ADGRV1: variants seen among roughly 807,000 people sequenced by gnomAD.
ADGRV1 encodes G-protein coupled receptor 98.
Under a neutral mutation model 596.2 loss-of-function variants are expected in ADGRV1, and 359 were observed. The ratio of observed to expected loss-of-function variants is 0.60; its 90% CI spans 0.55 to 0.66. The LOEUF (loss-of-function observed/expected upper bound fraction) is 0.66. Ranked by LOEUF, ADGRV1 falls within the 30% of genes least tolerant of loss-of-function variation. The pLI, the probability that ADGRV1 is intolerant of heterozygous loss-of-function variation, is 0.00. For synonymous variants in ADGRV1, 2,681 were observed against 2,679.2 expected (o/e 1.00, Z -0.02); for missense variants, 7,274 against 7,575.6 (o/e 0.96, Z 1.48).
chr5:91,069,044 G>A (rs1475647234), intron 85 of ADGRV1, among the ~76,000 whole-genome samples: 1 of 152,140 alleles, frequency 6.6e-6, no homozygotes, highest in Non-Finnish European at 1.5e-5. Flanking sequence ...GACAGGGAAA[G>A]GACTCTCTAT....
chr5:90,701,905 TTTG>T (rs1260974411), intron 34 of ADGRV1, among the ~76,000 whole-genome samples: 2 of 151,834 alleles, frequency 1.3e-5, no homozygotes, highest in African/African-American at 4.8e-5. Flanking sequence ...TGACCTGCAT[TTTG>T]TTTTCTTGCC....
chr5:90,635,401 A>G (rs978991548), intron 10 of ADGRV1, 111 bp downstream of exon 10: 2 of 934,746 alleles, frequency 2.1e-6, no homozygotes, highest in Middle Eastern at 2.3e-4. Context: ...AAGCTTCAGC[A>G]TGTACAAGAA....
chr5:90,627,255 A>C lies in ADGRV1; in HGVS notation c.717A>C (p.Val239=). The part of the protein sequence containing the change: ...DEIFLIQLKS[V]EGGAEINTSR... ...TATTTTTAATTCAACTGAAAAGTGT[A>C]GAAGGAGGAGCTGAGATTAACACCT... is the stretch of plus-strand genomic sequence containing the variant. The change falls in exon 7 of 90, where the codon GTA becomes GTC. Residue 239 remains valine (V), a synonymous_variant. Transcript: ENST00000405460. 6 of 1,586,396 alleles carry C rather than the reference A, an allele frequency of 3.8e-6. No homozygotes were observed. Among genetic ancestry groups the C allele is most frequent in the Non-Finnish European group, 5.1e-6 (6 of 1,165,344 alleles).
At chr5:90,792,606 TA>T (rs34145704) in intron 70 of ADGRV1, 1 of 152,018 alleles carries the variant, frequency 6.6e-6, no homozygotes, top group Non-Finnish European at 1.5e-5. Context: ...CTAATTGATA[TA>T]AAAAACAATA....
chr5:90,754,533 A>C (rs186870162), intron 54 of ADGRV1, among the ~76,000 whole-genome samples: 137 of 152,308 alleles, frequency 9.0e-4, no homozygotes, highest in Non-Finnish European at 1.6e-3. Context: ...GAGCCTCCTG[A>C]TAGGCACGTC....
chr5:91,092,802 A>G (rs1473063272), intron 86 of ADGRV1: 1 of 146,830 alleles, frequency 6.8e-6, no homozygotes, highest in Non-Finnish European at 1.5e-5. Context: ...CCATATGAGA[A>G]CAATACAAGC....
intron 87 of ADGRV1, among the ~76,000 whole-genome samples, chr5:91,137,123 C>T (rs886316344): frequency 2.6e-5 from 4 of 151,848 alleles, no homozygotes; most frequent in African/African-American, 9.7e-5. Context: ...TCTTGTTTTC[C>T]CTTTTCTTTT....
chr5:91,136,611 G>T (rs573386283), intron 87 of ADGRV1, among the ~76,000 whole-genome samples: 9 of 152,092 alleles, frequency 5.9e-5, no homozygotes, highest in Admixed American at 2.0e-4. Context: ...TTATAAATTT[G>T]ATCTACAGCT....
intron 70 of ADGRV1, among the ~76,000 whole-genome samples, chr5:90,800,976 G>A (rs982642593): frequency 3.9e-5 from 6 of 152,054 alleles, no homozygotes; most frequent in African/African-American, 1.2e-4. Context: ...TATAGGTGAC[G>A]GGTTGATGGG....
Position 90,689,943 on chromosome 5 carries a change from T to C in ADGRV1, c.6573T>C (p.Asn2191=). ...TSKAVPIYVI[N]DIYPELEESF... ...AAGCCGTGCCAATATATGTCATTAA[T>C]GATATCTATCCTGAACTGGAAGAAT... Residue 2191 remains asparagine, a synonymous_variant, in exon 30 of 90, where the codon AAT becomes AAC. Transcript: ENST00000405460. The C allele has an allele frequency of 6.2e-7, 1 of 1,613,016 alleles. No homozygotes were observed. The highest frequency in any genetic ancestry group is 8.5e-7 in the Non-Finnish European group (1 of 1,179,406).
intron 59 of ADGRV1, among the ~76,000 whole-genome samples, chr5:90,773,327 G>A (rs748791713): frequency 6.6e-6 from 1 of 151,874 alleles, no homozygotes; most frequent in Non-Finnish European, 1.5e-5. Flanking sequence ...TAATAAATGG[G>A]TCAAAAAGAA....
chr5:91,127,694 T>C (rs1413166992), intron 87 of ADGRV1, among the ~76,000 whole-genome samples: 1 of 152,194 alleles, frequency 6.6e-6, no homozygotes, highest in African/African-American at 2.4e-5. Context: ...TAGTGACAGC[T>C]TAAATCCAGG....
intron 85 of ADGRV1, among the ~76,000 whole-genome samples, chr5:91,022,894 T>C (rs1783756066): frequency 6.6e-6 from 1 of 152,138 alleles, no homozygotes; most frequent in Non-Finnish European, 1.5e-5. Flanking sequence ...TCTGTGTTGC[T>C]ATTTTAAAAT....
rs577884497 is a variant in ADGRV1 at position 90,985,377 on chromosome 5, G to C, written c.18007G>C (p.Asp6003His). 1 of 1,613,316 alleles carries C rather than the reference G, an allele frequency of 6.2e-7. No homozygotes were observed. Among genetic ancestry groups the C allele is most frequent in the East Asian group, 2.2e-5 (1 of 44,850 alleles). Reference sequence around the variant, plus strand: ...TTTCTGGTACGTGCTGGTGATGAATGATGAGCACACAGAGAGGCGATATCT... The same window carrying C: ...TTTCTGGTACGTGCTGGTGATGAATCATGAGCACACAGAGAGGCGATATCT... ...VNFWYVLVMN[D>H]EHTERRYLLF... is the part of the protein sequence containing the mutation. Residue 6003 changes from aspartate to histidine, a missense_variant, in exon 85 of 90, where the codon GAT becomes CAT. Asp to His is a moderately conservative substitution (Grantham distance 81). Transcript: ENST00000405460.
intron 85 of ADGRV1, among the ~76,000 whole-genome samples, chr5:91,021,902 T>C (rs1382590440): frequency 6.6e-6 from 1 of 152,076 alleles, no homozygotes; most frequent in East Asian, 1.9e-4. Flanking sequence ...AGCAAAGATA[T>C]ACATCCGAGA....
At chr5:90,719,868 A>G (rs1750684057) in intron 43 of ADGRV1, among the ~76,000 whole-genome samples, 180 bp from the exon 44 acceptor site, 1 of 152,252 alleles carries the variant, frequency 6.6e-6, no homozygotes, top group Non-Finnish European at 1.5e-5. Flanking sequence ...TGAAAATCCT[A>G]AAAGTAGTAA....
intron 52 of ADGRV1, among the ~76,000 whole-genome samples, chr5:90,746,071 A>G (rs1201399547): frequency 6.6e-6 from 1 of 152,110 alleles, no homozygotes; most frequent in Non-Finnish European, 1.5e-5. Flanking sequence ...TTACAAGTTG[A>G]TCTTGGTCTG....
rs1315445576 is a variant in ADGRV1, at chr5:90,617,941, C to T, written c.345C>T (p.His115=). Residue 115 remains histidine (H), a synonymous_variant, in exon 3 of 90, where the codon CAC becomes CAT. Transcript: ENST00000405460. The part of the protein sequence containing the change: ...LPEPDETFIF[H]LTLQKPSANV... ...AGCCTGACGAAACTTTTATTTTTCA[C>T]TTAACATTACAGGTAAGTCCGTGTT... 7 of 1,571,730 alleles carry T rather than the reference C, an allele frequency of 4.5e-6. No homozygotes were observed. The highest frequency in any genetic ancestry group is 6.1e-6 in the Non-Finnish European group (7 of 1,156,436).
chr5:91,073,303 T>C (rs1788548674), intron 86 of ADGRV1, among the ~76,000 whole-genome samples: 1 of 152,206 alleles, frequency 6.6e-6, no homozygotes, highest in South Asian at 2.1e-4. Flanking sequence ...AGGGAGCAGC[T>C]TAAGAGCTGG....
Sources: gnomAD v4.1 joint callset for allele counts (sites outside exome capture counted in the v4.1 genomes callset) on GRCh38, gnomAD v4.1.1 for gene constraint, MANE v1.5 for transcripts, NCBI Gene and HGNC (gene_info 2026-07-23, HGNC 2026-07-21) for gene names.